ZC3H13: variants seen among roughly 807,000 people sequenced by gnomAD.
ZC3H13 encodes zinc finger CCCH domain-containing protein 13.
Under a neutral mutation model 204.1 loss-of-function variants are expected in ZC3H13, and 64 were observed. That is an observed-to-expected ratio of 0.31 (90% CI 0.26 to 0.39). The LOEUF (loss-of-function observed/expected upper bound fraction) is 0.39. Among genes scored for constraint, ZC3H13 ranks in the 10% least tolerant of loss-of-function variants. The probability of loss-of-function intolerance (pLI) is 1.00; values close to 1 mark genes in which losing one functional copy is unlikely to be tolerated. For missense variants in ZC3H13, 1,833 were observed against 2,082.7 expected (o/e 0.88, Z 2.33); for synonymous variants, 667 against 693.7 (o/e 0.96, Z 0.60).
intron 7 of ZC3H13, among the ~76,000 whole-genome samples, chr13:46,008,465 C>T (rs2182483): frequency 0.74 from 113,116 of 152,016 alleles, 42,622 homozygotes; most frequent in African/African-American, 0.85. Context: ...ATAAGAAATA[C>T]AGTAATTAAA....
chr13:45,968,941 A>G lies in ZC3H13; in HGVS notation c.3603T>C (p.His1201=), dbSNP rs575967063. The G allele has an allele frequency of 3.5e-5, 57 of 1,614,078 alleles. No homozygotes were observed. The highest frequency in any genetic ancestry group is 4.7e-5 in the Non-Finnish European group (55 of 1,180,042). ...SLGSNRSNRS[H]TSGRLRSPSN... ...ATGGGGAGCGAAGACGACCAGACGT[A>G]TGACTACGGTTACTCCGATTGCTCC... is the stretch of plus-strand genomic sequence containing the variant. The change falls in exon 14 of 19, where the codon CAT becomes CAC. Residue 1201 remains histidine, a synonymous_variant. Coordinates refer to ENST00000679008, the MANE Select transcript of ZC3H13 (RefSeq NM_001330564.2).
Position 45,969,594 on chromosome 13 carries a change from T to C in ZC3H13, c.2950A>G (p.Thr984Ala). Residue 984 changes from threonine (T) to alanine (A), a missense_variant, in exon 14 of 19, where the codon ACA becomes GCA. This residue lies in a region of ZC3H13 where 1,574 missense variants were observed against 1,757.2 expected (regional missense o/e 0.90). Coordinates refer to ENST00000679008, the MANE Select transcript of ZC3H13 (RefSeq NM_001330564.2). ...DVGIERGNIE[T>A]TSEDGQVFSP... Reference sequence around the variant, plus strand: ...AATACTTGACCATCTTCAGATGTTGTCTCTATGTTACCCCTCTCTATTCCA... The same window carrying C: ...AATACTTGACCATCTTCAGATGTTGCCTCTATGTTACCCCTCTCTATTCCA... 6.2e-7 allele frequency: 1 copy of C among 1,611,570 alleles called. No homozygotes were observed. The highest frequency in any genetic ancestry group is 2.2e-5 in the East Asian group (1 of 44,870).
intron 17 of ZC3H13, chr13:45,962,782 GTTAA>G (rs1951785365): frequency 1.0e-5 from 10 of 985,332 alleles, no homozygotes; most frequent in Non-Finnish European, 1.2e-5. Flanking sequence ...ACGTAAAATT[GTTAA>G]TTAATGTTGT....
chr13:46,024,159 A>G (rs1361474525), intron 4 of ZC3H13, among the ~76,000 whole-genome samples: 3 of 152,224 alleles, frequency 2.0e-5, no homozygotes, highest in Admixed American at 2.0e-4. Flanking sequence ...GGGGAATCCA[A>G]AGTGATCTGC....
intron 7 of ZC3H13, among the ~76,000 whole-genome samples, chr13:46,008,347 T>C (rs745519530): frequency 7.9e-5 from 12 of 151,646 alleles, no homozygotes; most frequent in Non-Finnish European, 1.5e-4. Context: ...AGAAATGCTA[T>C]ACTCAATTAA....
intron 10 of ZC3H13, among the ~76,000 whole-genome samples, chr13:45,982,061 A>C (rs1953683593): frequency 6.6e-6 from 1 of 151,058 alleles, no homozygotes; most frequent in South Asian, 2.1e-4. Context: ...ATAAATAAAA[A>C]AGAAAAAAAA....
chr13:45,985,755 C>T lies in ZC3H13; in HGVS notation c.1262G>A (p.Arg421Lys), dbSNP rs760458470. Residue 421 changes from arginine to lysine, a missense_variant, in exon 10 of 19, where the codon AGG becomes AAG. Coordinates refer to ENST00000679008, the MANE Select transcript of ZC3H13 (RefSeq NM_001330564.2). Reference sequence around the variant, plus strand: ...GTCCTTTTCTCTGTCTCGTTTGCCCCTAGTATCTGTAATGCAATTTTGGAA... The same window carrying T: ...GTCCTTTTCTCTGTCTCGTTTGCCCTTAGTATCTGTAATGCAATTTTGGAA... ...DRRHERREDTRGKRDREKDSR... is the reference protein window; with the variant it reads ...DRRHERREDTKGKRDREKDSR... 6.3e-7 allele frequency: 1 copy of T among 1,596,406 alleles called. No homozygotes were observed. Among genetic ancestry groups the T allele is most frequent in the Non-Finnish European group, 8.5e-7 (1 of 1,174,222 alleles).
rs1012603200 is a variant in ZC3H13, at chr13:45,963,938, C to T, written c.4579G>A (p.Val1527Ile). 1.2e-6 allele frequency: 2 copies of T among 1,614,024 alleles called. No homozygotes were observed. The highest frequency in any genetic ancestry group is 1.3e-5 in the African/African-American group (1 of 74,920). The part of the protein sequence containing the change: ...AALLKFTPGA[V>I]MLRVGISKKL... ...TTAGAAATCCCAACTCTTAGCATAA[C>T]AGCTCCAGGTGTGAATTTTAAGAGT... is the stretch of plus-strand genomic sequence containing the variant. Residue 1527 changes from valine to isoleucine, a missense_variant, in exon 17 of 19, where the codon GTT becomes ATT. Around this residue, in one of 5 missense-constraint regions of ZC3H13, gnomAD observed 211 missense variants for 228.4 expected, o/e 0.92. Transcript: ENST00000679008.
At chr13:45,964,167 T>C in intron 16 of ZC3H13, 125 bp from the exon 17 acceptor site, 1 of 810,970 alleles carries the variant, frequency 1.2e-6, no homozygotes. Flanking sequence ...ACCAAAAATG[T>C]CCTATTCTTA....
chr13:45,956,999 C>G lies in ZC3H13; in HGVS notation c.*128G>C. Reference sequence around the variant, plus strand: ...TGTCTCTAAAGATCAAAATTCTTCACTCTTTTAGCATGGCTGATAAATCTT... The same window carrying G: ...TGTCTCTAAAGATCAAAATTCTTCAGTCTTTTAGCATGGCTGATAAATCTT... On this transcript the variant is annotated 3_prime_UTR_variant, in exon 19 of 19. Transcript: ENST00000679008. The G allele has an allele frequency of 1.1e-6, 1 of 893,990 alleles. No homozygotes were observed. Among genetic ancestry groups the G allele is most frequent in the East Asian group, 3.2e-5 (1 of 31,180 alleles). The allele number at this position is 893,990 out of a possible 1,614,324, so 55.4% of individuals were successfully genotyped here. A position where few individuals can be genotyped will look rare whatever the true frequency, so the allele number is the denominator to read the frequency against.
chr13:45,978,707 T>C (rs1251259599), intron 11 of ZC3H13, among the ~76,000 whole-genome samples: 1 of 150,924 alleles, frequency 6.6e-6, no homozygotes, highest in East Asian at 1.9e-4. Context: ...ATGAGAAAAA[T>C]CTGAGCAAGG....
In ZC3H13 at chr13:46,011,426, T is replaced by C; in HGVS notation, c.577A>G (p.Ile193Val). 3.1e-6 allele frequency: 5 copies of C among 1,605,498 alleles called. No individual in the cohort carries two copies. Among genetic ancestry groups the C allele is most frequent in the South Asian group, 2.2e-5 (2 of 89,234 alleles). Residue 193 changes from isoleucine (I) to valine (V), a missense_variant, in exon 6 of 19, where the codon ATT (isoleucine) becomes GTT (valine). Transcript: ENST00000679008. Reference protein sequence around the residue: ...ENMEKREEIIIKKEVSPEVVR... With the variant: ...ENMEKREEIIVKKEVSPEVVR... ...AATAAATAGCATACCTCCTTTTTAA[T>C]GATAATTTCTTCTCTCTTCTCCATG...
chr13:45,970,538 T>C, intron 12 of ZC3H13, 73 bp from the exon 13 acceptor site: 2 of 1,260,960 alleles, frequency 1.6e-6, no homozygotes, highest in Non-Finnish European at 2.3e-6. Context: ...TTTTTACTAG[T>C]ATCTCTTTAC....
intron 5 of ZC3H13, among the ~76,000 whole-genome samples, chr13:46,018,743 C>T (rs1036610857): frequency 1.3e-5 from 2 of 152,036 alleles, no homozygotes; most frequent in African/African-American, 4.8e-5. Flanking sequence ...CAGACTTGGG[C>T]TTTTCTGAAC....
intron 4 of ZC3H13, among the ~76,000 whole-genome samples, chr13:46,029,829 GAAT>G (rs2138963369): frequency 6.6e-6 from 1 of 152,122 alleles, no homozygotes; most frequent in South Asian, 2.1e-4. Flanking sequence ...TATCTCTCAT[GAAT>G]AATAGCAAAA....
chr13:46,035,524 A>G (rs1386963136), intron 4 of ZC3H13, among the ~76,000 whole-genome samples: 3 of 152,208 alleles, frequency 2.0e-5, no homozygotes, highest in Admixed American at 6.5e-5. Flanking sequence ...TCCGTACTAC[A>G]TATTCATTAC....
intron 7 of ZC3H13, among the ~76,000 whole-genome samples, chr13:46,003,641 G>GT (rs200209938): frequency 0.015 from 2,315 of 150,930 alleles, 20 homozygotes; most frequent in South Asian, 0.054. Context: ...TGTTTAAACT[G>GT]TTTTTTTTTA....
chr13:46,016,803 C>T (rs1001055958), intron 5 of ZC3H13, among the ~76,000 whole-genome samples: 6 of 152,136 alleles, frequency 3.9e-5, no homozygotes, highest in Middle Eastern at 3.4e-3. Context: ...GGAGACAAGA[C>T]TATAAGCAAG....
intron 6 of ZC3H13, 41 bp from the exon 7 acceptor site, chr13:46,010,546 C>T: frequency 1.3e-6 from 2 of 1,580,310 alleles, no homozygotes; most frequent in Non-Finnish European, 1.7e-6. Context: ...AATTCCTCCA[C>T]TTATGGTACA....
Sources: allele counts gnomAD v4.1 joint callset (sites outside exome capture counted in the v4.1 genomes callset), GRCh38; gene constraint gnomAD v4.1.1; regional missense constraint gnomAD v4.1.1; transcripts MANE v1.5; gene names NCBI Gene and HGNC (gene_info 2026-07-23, HGNC 2026-07-21).